Variants in YTHDF2 observed in about 807,000 individuals in gnomAD.
YTHDF2 encodes YTH domain-containing family protein 2.
Under a neutral mutation model 50.4 loss-of-function variants are expected in YTHDF2, and 2 were observed. The ratio of observed to expected loss-of-function variants is 0.04; its 90% CI spans 0.02 to 0.12. The LOEUF is 0.12. YTHDF2 is among the 10% of genes least tolerant of loss of function. YTHDF2 has a pLI of 1.00. For synonymous variants in YTHDF2, 217 were observed against 255.6 expected, an observed-to-expected ratio of 0.85 and a Z score of 1.44; for missense variants, 483 against 722.6, an observed-to-expected ratio of 0.67 and a Z score of 3.80.
At chr1:28,765,130 C>G (rs1422998944) in intron 4 of YTHDF2, among the ~76,000 whole-genome samples, 2 of 152,002 alleles carry the variant, frequency 1.3e-5, no homozygotes, top group Admixed American at 6.6e-5. Context: ...GCCTCCCCAG[C>G]AGCTGGGACT....
chr1:28,760,383 G>A (rs1204770136), intron 4 of YTHDF2, among the ~76,000 whole-genome samples: 3 of 151,236 alleles, frequency 2.0e-5, no homozygotes, highest in South Asian at 4.2e-4. Context: ...CAAGCTCCAC[G>A]TCCCAGGTTC....
chr1:28,768,908 A>AT, intron 4 of YTHDF2, 21 bp from the exon 5 acceptor site: 1 of 1,575,238 alleles, frequency 6.3e-7, no homozygotes, highest in Non-Finnish European at 8.6e-7. Context: ...AACCATTTCA[A>AT]TTTTTTTCTT....
intron 4 of YTHDF2, among the ~76,000 whole-genome samples, chr1:28,757,719 T>TA (rs1570475575): frequency 6.7e-6 from 1 of 150,186 alleles, no homozygotes; most frequent in Non-Finnish European, 1.5e-5. Flanking sequence ...AACCAAATTA[T>TA]AAAAAGCGTA....
chr1:28,743,997 T>A lies in YTHDF2; in HGVS notation c.1716+11T>A, dbSNP rs199766937. On this transcript the variant is annotated intron_variant, in intron 4 of 4. Transcript: ENST00000373812. The surrounding 1 kb of genome is among the most constrained non-coding windows in gnomAD (Gnocchi z 6.9). ...GAAAGTGTTAAAAAGGTAACCCACT[T>A]CTTCTTATTAAGATTTTTAGGGAAG... 8.3e-5 allele frequency: 126 copies of A among 1,517,258 alleles called. No homozygotes were observed. Among genetic ancestry groups the A allele is most frequent in the Non-Finnish European group, 1.1e-4 (120 of 1,135,132 alleles). The allele number at this position is 1,517,258 out of a possible 1,614,324, so 94.0% of individuals were successfully genotyped here. A position where few individuals can be genotyped will look rare whatever the true frequency, so the allele number is the denominator to read the frequency against.
intron 4 of YTHDF2, among the ~76,000 whole-genome samples, chr1:28,766,604 G>A (rs547418844): frequency 1.1e-3 from 164 of 151,970 alleles, no homozygotes; most frequent in Non-Finnish European, 2.0e-3. Context: ...TTTTTAATAC[G>A]TGGGAAAATA....
chr1:28,742,384 C>CTT lies in YTHDF2; in HGVS notation c.133-11_133-10dup. 1.3e-6 allele frequency: 2 copies of CTT among 1,513,590 alleles called. No individual in the cohort carries two copies. Among genetic ancestry groups the CTT allele is most frequent in the Admixed American group, 2.3e-5 (1 of 43,986 alleles). 93.8% of individuals were successfully genotyped at this position (1,513,590 alleles called of 1,614,324 possible). A position where few individuals can be genotyped will look rare whatever the true frequency, so the allele number is the denominator to read the frequency against. ...GTTAATTTTTTGTGTTTTGATTTGC[C>CTT]TTTTTTTTTCTTCCACAGAATAATG... On this transcript the variant is annotated intron_variant, in intron 3 of 4. Transcript: ENST00000373812.
At chr1:28,746,218 A>C (rs1414077200) in intron 4 of YTHDF2, among the ~76,000 whole-genome samples, 1 of 152,144 alleles carries the variant, frequency 6.6e-6, no homozygotes, top group Non-Finnish European at 1.5e-5. Context: ...TCTGAGGGGC[A>C]TCTAGGTGCT....
At chr1:28,737,289 C>T in intron 1 of YTHDF2, 142 bp downstream of exon 1, 1 of 1,104,834 alleles carries the variant, frequency 9.1e-7, no homozygotes, top group Non-Finnish European at 1.2e-6. Flanking sequence ...CTCAGGCCGG[C>T]CGCGCCCGGC....
intron 4 of YTHDF2, among the ~76,000 whole-genome samples, chr1:28,767,092 C>T (rs1313154371): frequency 6.6e-6 from 1 of 151,410 alleles, no homozygotes; most frequent in African/African-American, 2.4e-5. Flanking sequence ...TCTTATCTGC[C>T]TTGGCCTCCC....
Position 28,751,987 on chromosome 1 carries a change from C to CTACA in YTHDF2, c.1716+8002_1716+8003insACAT, listed in dbSNP as rs1254504096. ...AGAAGCTTAGCTATCTTATCTAACA[C>CTACA]TGTAATTCTCATATTTCAGATAAAG... On this transcript the variant is annotated intron_variant, in intron 4 of 4. Transcript: ENST00000373812. Among the ~76,000 whole-genome samples, 6 of 152,304 alleles carry CTACA rather than the reference C, an allele frequency of 3.9e-5. No homozygotes were observed. The East Asian group carries it at 9.6e-4, about 24-fold the overall frequency.
At position 28,743,919 on chromosome 1, in the gene YTHDF2, C is replaced by T; in HGVS notation, c.1649C>T (p.Thr550Ile). ...VLKIIASYKHTTSIFDDFSHY... is the reference protein window; with the variant it reads ...VLKIIASYKHITSIFDDFSHY... ...AAAATTATAGCCAGCTACAAGCACACCACTTCCATTTTTGATGACTTCTCA... is the reference window on the plus strand; with the variant it reads ...AAAATTATAGCCAGCTACAAGCACATCACTTCCATTTTTGATGACTTCTCA... The change falls in exon 4 of 5, where the codon ACC becomes ATC. Residue 550 changes from threonine to isoleucine, a missense_variant. Thr to Ile is a moderately conservative substitution (Grantham distance 89, BLOSUM62 -1). This residue lies in a region of YTHDF2 where 38 missense variants were observed against 60.1 expected (regional missense o/e 0.63). Transcript: ENST00000373812. This position sits in a 1 kb window ranked among gnomAD's most constrained non-coding sequence, Gnocchi z 6.9. 1 of 1,594,072 alleles carries T rather than the reference C, an allele frequency of 6.3e-7. No individual in the cohort carries two copies. Among genetic ancestry groups the T allele is most frequent in the East Asian group, 2.2e-5 (1 of 44,774 alleles).
intron 4 of YTHDF2, among the ~76,000 whole-genome samples, chr1:28,752,847 A>G (rs1407117805): frequency 2.6e-5 from 4 of 152,026 alleles, no homozygotes; most frequent in African/African-American, 9.7e-5. Flanking sequence ...GTTTGAGACC[A>G]GCCTGGGCAG....
chr1:28,751,295 A>T (rs1443890527), intron 4 of YTHDF2, among the ~76,000 whole-genome samples: 2 of 152,092 alleles, frequency 1.3e-5, no homozygotes, highest in Non-Finnish European at 2.9e-5. Context: ...AGAGGAAAAC[A>T]TCCTCACTTG....
chr1:28,769,434 G>A lies in YTHDF2; in HGVS notation c.*482G>A, dbSNP rs2088270910. On this transcript the variant is annotated 3_prime_UTR_variant, in exon 5 of 5. Transcript: ENST00000373812. ...TTCCGAACTGGAAGAACATTTTTAT[G>A]AAGAATTTTTGTCTAGGAGAATATA... 6.5e-6 allele frequency: 1 copy of A among 153,024 alleles called. No homozygotes were observed. Among genetic ancestry groups the A allele is most frequent in the South Asian group, 2.1e-4 (1 of 4,854 alleles). The allele number at this position is 153,024 out of a possible 1,614,324, so 9.5% of individuals were successfully genotyped here.
intron 4 of YTHDF2, among the ~76,000 whole-genome samples, chr1:28,762,216 C>T (rs919496168): frequency 3.3e-5 from 5 of 152,070 alleles, no homozygotes; most frequent in African/African-American, 1.2e-4. Context: ...CACGGTGAAA[C>T]CCCGTCTCTA....
intron 4 of YTHDF2, among the ~76,000 whole-genome samples, chr1:28,768,694 A>AG (rs1488078829): frequency 6.6e-6 from 1 of 152,198 alleles, no homozygotes; most frequent in African/African-American, 2.4e-5. Flanking sequence ...ACAGTATAAT[A>AG]GGAAAGCATG....
intron 4 of YTHDF2, among the ~76,000 whole-genome samples, chr1:28,759,374 C>T (rs1423522794): frequency 2.0e-5 from 3 of 152,066 alleles, no homozygotes; most frequent in Non-Finnish European, 4.4e-5. Flanking sequence ...GGGAACATAC[C>T]TAATTGGGTT....
chr1:28,752,257 CTGA>C (rs2124186523), intron 4 of YTHDF2, among the ~76,000 whole-genome samples: 1 of 152,160 alleles, frequency 6.6e-6, no homozygotes, highest in South Asian at 2.1e-4. Flanking sequence ...CTGTTGCACA[CTGA>C]TAACACATTG....
rs1465398099 is a variant in YTHDF2, at chr1:28,745,726, C to G, written c.1716+1740C>G. Among the ~76,000 whole-genome samples the G allele has an allele frequency of 5.2e-5, 5 of 95,308 alleles. 2 individuals are homozygous for G. Among genetic ancestry groups the G allele is most frequent in the African/African-American group, 2.0e-4 (5 of 24,624 alleles). 62.5% of individuals were successfully genotyped at this position (95,308 alleles called of 152,430 possible). A position where few individuals can be genotyped will look rare whatever the true frequency, so the allele number is the denominator to read the frequency against. ...GAGCTAAACTCCCATCTCCCCCCGCCCCCCCCCCCCAAAAAAAAACTAACA... is the reference window on the plus strand; with the variant it reads ...GAGCTAAACTCCCATCTCCCCCCGCGCCCCCCCCCCAAAAAAAAACTAACA... On this transcript the variant is annotated intron_variant, in intron 4 of 4. Coordinates refer to ENST00000373812, the MANE Select transcript of YTHDF2 (RefSeq NM_016258.3).
Sources: gnomAD v4.1 joint callset for allele counts (sites outside exome capture counted in the v4.1 genomes callset) on GRCh38, gnomAD v4.1.1 for gene constraint, gnomAD v4.1.1 regional missense constraint, Gnocchi (gnomAD v3.1) non-coding constraint, MANE v1.5 for transcripts, NCBI Gene and HGNC (gene_info 2026-07-23, HGNC 2026-07-21) for gene names.